Variants in EFNB3 observed in about 807,000 individuals in gnomAD.
EFNB3 encodes the protein ephrin B3.
EFNB3 carries 14 observed loss-of-function variants against 29.8 expected under a neutral mutation model. The observed-to-expected ratio is 0.47, with a 90% CI of 0.31 to 0.73. The LOEUF (loss-of-function observed/expected upper bound fraction) is 0.73. EFNB3 is among the 30% of genes least tolerant of loss of function. The pLI is 0.05. For synonymous variants in EFNB3, 216 were observed against 191.6 expected, an observed-to-expected ratio of 1.13 and a Z score of -1.05; for missense variants, 408 against 458.0, an observed-to-expected ratio of 0.89 and a Z score of 1.00.
rs1290964435 is a variant in EFNB3, at chr17:7,708,103, C to T, written c.268C>T (p.Arg90Trp). The change falls in exon 2 of 5, where the codon CGG becomes TGG. Residue 90 changes from arginine (R) to tryptophan (W), a missense_variant. Physicochemically the swap from Arg to Trp is moderately radical, Grantham distance 101 (BLOSUM62 -3). Coordinates refer to ENST00000226091, the MANE Select transcript of EFNB3 (RefSeq NM_001406.4). The surrounding 1 kb of genome is among the most constrained non-coding windows in gnomAD (Gnocchi z 6.8). Reference protein sequence around the residue: ...KLYLVGGAQGRRCEAPPAPNL... With the variant: ...KLYLVGGAQGWRCEAPPAPNL... Reference sequence around the variant, plus strand: ...GTACCTGGTAGGGGGTGCTCAGGGCCGGCGCTGTGAGGCACCCCCTGCCCC... The same window carrying T: ...GTACCTGGTAGGGGGTGCTCAGGGCTGGCGCTGTGAGGCACCCCCTGCCCC... 6.2e-6 allele frequency: 10 copies of T among 1,614,072 alleles called. No individual in the cohort carries two copies. Among genetic ancestry groups the T allele is most frequent in the Non-Finnish European group, 8.5e-6 (10 of 1,180,000 alleles).
intron 1 of EFNB3, among the ~76,000 whole-genome samples, chr17:7,706,461 T>G (rs1173104690): frequency 1.3e-5 from 2 of 152,194 alleles, no homozygotes; most frequent in African/African-American, 2.4e-5. Context: ...CATGCCAGCT[T>G]TGCTCTGAAA....
Position 7,709,700 on chromosome 17 carries a change from T to C in EFNB3, c.*124T>C. ...TGTGCCCCCCCAGCCCCTTCACTCCTCCCGGCTGCTGTCCTCGTCTCCACT... is the reference window on the plus strand; with the variant it reads ...TGTGCCCCCCCAGCCCCTTCACTCCCCCCGGCTGCTGTCCTCGTCTCCACT... On this transcript the variant is annotated 3_prime_UTR_variant, in exon 5 of 5. Coordinates refer to ENST00000226091, the MANE Select transcript of EFNB3 (RefSeq NM_001406.4). The surrounding 1 kb of genome is among the most constrained non-coding windows in gnomAD (Gnocchi z 4.5). 2.1e-6 allele frequency: 2 copies of C among 949,802 alleles called. No individual in the cohort carries two copies. Among genetic ancestry groups the C allele is most frequent in the South Asian group, 2.8e-5 (2 of 71,444 alleles). The allele number at this position is 949,802 out of a possible 1,614,324, so 58.8% of individuals were successfully genotyped here. A position where few individuals can be genotyped will look rare whatever the true frequency, so the allele number is the denominator to read the frequency against.
chr17:7,709,643 GT>G lies in EFNB3; in HGVS notation c.*70del. On this transcript the variant is annotated 3_prime_UTR_variant, in exon 5 of 5. Coordinates refer to ENST00000226091, the MANE Select transcript of EFNB3 (RefSeq NM_001406.4). This position sits in a 1 kb window ranked among gnomAD's most constrained non-coding sequence, Gnocchi z 4.5. ...GGGTGCTCCTCCAGTTTAATTCCTG[GT>G]TTGAGGGACACCTCTAACATCTCGG... 1 of 1,593,456 alleles carries G rather than the reference GT, an allele frequency of 6.3e-7. No homozygotes were observed. Among genetic ancestry groups the G allele is most frequent in the South Asian group, 1.1e-5 (1 of 89,738 alleles).
rs1348265802 is a variant in EFNB3, at chr17:7,710,617, A to C, written c.*1041A>C. On this transcript the variant is annotated 3_prime_UTR_variant, in exon 5 of 5. Transcript: ENST00000226091. ...GGTGGATGGTTCTTATTCTGTGGAG[A>C]AGAAGGGCGGGAAGAACTTCCTTTC... 1 of 152,580 alleles carries C rather than the reference A, an allele frequency of 6.6e-6. No individual in the cohort carries two copies. Among genetic ancestry groups the C allele is most frequent in the African/African-American group, 2.4e-5 (1 of 41,422 alleles). 9.5% of individuals were successfully genotyped at this position (152,580 alleles called of 1,614,324 possible).
At chr17:7,706,418 G>A (rs1046314504) in intron 1 of EFNB3, among the ~76,000 whole-genome samples, 1 of 152,060 alleles carries the variant, frequency 6.6e-6, no homozygotes, top group Non-Finnish European at 1.5e-5. Context: ...AATCTTTGCT[G>A]CAAACTCTTC....
In EFNB3 at chr17:7,705,556, T is replaced by C. The variant is rs755297257; in HGVS notation, c.-43T>C. Reference sequence around the variant, plus strand: ...GCAGCCACCCCGGGGGGTGGGCGACTTTGGGGGAGTTGGTGCCCCGCCCCC... The same window carrying C: ...GCAGCCACCCCGGGGGGTGGGCGACCTTGGGGGAGTTGGTGCCCCGCCCCC... On this transcript the variant is annotated 5_prime_UTR_variant, in exon 1 of 5. Coordinates refer to ENST00000226091, the MANE Select transcript of EFNB3 (RefSeq NM_001406.4). This position sits in a 1 kb window ranked among gnomAD's most constrained non-coding sequence, Gnocchi z 5.4. The C allele has an allele frequency of 3.0e-5, 37 of 1,218,580 alleles. No individual in the cohort carries two copies. In the Middle Eastern group the frequency reaches 2.6e-3, roughly 85 times the overall value. 75.5% of individuals were successfully genotyped at this position (1,218,580 alleles called of 1,614,324 possible).
In EFNB3 at chr17:7,709,665, C is replaced by A; in HGVS notation, c.*89C>A. ...CTGGTTTGAGGGACACCTCTAACAT[C>A]TCGGCCCCCTGTGCCCCCCCAGCCC... On this transcript the variant is annotated 3_prime_UTR_variant, in exon 5 of 5. Transcript: ENST00000226091. This position sits in a 1 kb window ranked among gnomAD's most constrained non-coding sequence, Gnocchi z 4.5. 6.9e-7 allele frequency: 1 copy of A among 1,444,046 alleles called. No individual in the cohort carries two copies. Among genetic ancestry groups the A allele is most frequent in the Non-Finnish European group, 9.6e-7 (1 of 1,045,502 alleles). 89.5% of individuals were successfully genotyped at this position (1,444,046 alleles called of 1,614,324 possible). A position where few individuals can be genotyped will look rare whatever the true frequency, so the allele number is the denominator to read the frequency against.
At position 7,708,164 on chromosome 17, in the gene EFNB3, A is replaced by G. The variant is rs2074333887; in HGVS notation, c.329A>G (p.Asp110Gly). ...CTCACTTGTGATCGCCCAGACCTGG[A>G]TCTCCGCTTCACCATCAAGTTCCAG... is the stretch of plus-strand genomic sequence containing the variant. The part of the protein sequence containing the change: ...LLLTCDRPDL[D>G]LRFTIKFQEY... Residue 110 changes from aspartate (D) to glycine (G), a missense_variant, in exon 2 of 5, where the codon GAT (aspartate) becomes GGT (glycine). By Grantham distance (94) the Asp-to-Gly change is moderately conservative. This residue lies in a region of EFNB3 where 47 missense variants were observed against 86.6 expected (regional missense o/e 0.54). Transcript: ENST00000226091. The surrounding 1 kb of genome is among the most constrained non-coding windows in gnomAD (Gnocchi z 6.8). 1 of 1,613,700 alleles carries G rather than the reference A, an allele frequency of 6.2e-7. No individual in the cohort carries two copies. The highest frequency in any genetic ancestry group is 8.5e-7 in the Non-Finnish European group (1 of 1,180,024).
At position 7,709,361 on chromosome 17, in the gene EFNB3, G is replaced by A. The variant is rs746889388; in HGVS notation, c.808G>A (p.Gly270Arg). 6 of 1,576,846 alleles carry A rather than the reference G, an allele frequency of 3.8e-6. No individual in the cohort carries two copies. The highest frequency in any genetic ancestry group is 2.3e-5 in the East Asian group (1 of 44,288). Residue 270 changes from glycine to arginine, a missense_variant, in exon 5 of 5, where the codon GGG becomes AGG. Gly to Arg is a moderately radical substitution (Grantham distance 125). This residue lies in a region of EFNB3 where 233 missense variants were observed against 230.7 expected (regional missense o/e 1.01). Coordinates refer to ENST00000226091, the MANE Select transcript of EFNB3 (RefSeq NM_001406.4). This position sits in a 1 kb window ranked among gnomAD's most constrained non-coding sequence, Gnocchi z 4.5. ...TCGCCACCCTGGTCCTGGCTCCTTC[G>A]GGAGGGGAGGGTCTCTGGGCCTGGG... ...ESRHPGPGSF[G>R]RGGSLGLGGG...
In EFNB3 at chr17:7,708,753, G is replaced by T; in HGVS notation, c.613+14G>T. ...AGAACCTGCCAGGTAGGAACCAGGG[G>T]CTAGGCCCCTGCCTTCCCCAGCTTC... On this transcript the variant is annotated intron_variant, in intron 4 of 4. Transcript: ENST00000226091. This position sits in a 1 kb window ranked among gnomAD's most constrained non-coding sequence, Gnocchi z 6.8. 1 of 1,536,212 alleles carries T rather than the reference G, an allele frequency of 6.5e-7. No individual in the cohort carries two copies. The highest frequency in any genetic ancestry group is 1.4e-5 in the African/African-American group (1 of 72,352).
intron 1 of EFNB3, 102 bp from the exon 2 acceptor site, chr17:7,707,856 T>G: frequency 3.9e-5 from 52 of 1,347,490 alleles, no homozygotes; most frequent in Non-Finnish European, 4.4e-5. Flanking sequence ...AAGCGTGAGC[T>G]GAGAATTGCT....
chr17:7,707,801 T>A (rs963742516), intron 1 of EFNB3, among the ~76,000 whole-genome samples, 157 bp from the exon 2 acceptor site: 7 of 152,168 alleles, frequency 4.6e-5, no homozygotes, highest in African/African-American at 2.4e-5. Context: ...GAGTCCTTGG[T>A]GCCTGCTCTA....
In EFNB3 at chr17:7,708,316, C is replaced by T. The variant is rs1252705356; in HGVS notation, c.415+66C>T. ...GATACTGAGCAGAGAGGGAGGGGGA[C>T]CCCTGCAGCCAAGAGGGAGATCCCA... is the stretch of plus-strand genomic sequence containing the variant. On this transcript the variant is annotated intron_variant, in intron 2 of 4. Coordinates refer to ENST00000226091, the MANE Select transcript of EFNB3 (RefSeq NM_001406.4). This position sits in a 1 kb window ranked among gnomAD's most constrained non-coding sequence, Gnocchi z 6.8. 17 of 1,584,258 alleles carry T rather than the reference C, an allele frequency of 1.1e-5. No homozygotes were observed. The Admixed American group carries it at 2.7e-4, about 26-fold the overall frequency.
At position 7,705,354 on chromosome 17, in the gene EFNB3, G is replaced by C. The variant is rs1324386380; in HGVS notation, c.-245G>C. ...CCACTTAGGCGGGCTCACAGATCCC[G>C]GGGTGCTGGCGCGTGGGCCGGGGGC... On this transcript the variant is annotated 5_prime_UTR_variant, in exon 1 of 5. Transcript: ENST00000226091. The surrounding 1 kb of genome is among the most constrained non-coding windows in gnomAD (Gnocchi z 5.4). 3.0e-6 allele frequency: 1 copy of C among 330,262 alleles called. No homozygotes were observed. The highest frequency in any genetic ancestry group is 5.5e-6 in the Non-Finnish European group (1 of 182,116). The allele number at this position is 330,262 out of a possible 1,614,324, so 20.5% of individuals were successfully genotyped here.
intron 1 of EFNB3, among the ~76,000 whole-genome samples, chr17:7,706,138 A>G (rs976404647): frequency 2.0e-5 from 3 of 148,476 alleles, no homozygotes; most frequent in Non-Finnish European, 3.0e-5. Context: ...CCTCCCCCAG[A>G]GGGACTGCGC....
In EFNB3 at chr17:7,708,261, G is replaced by C. The variant is rs529881706; in HGVS notation, c.415+11G>C. The C allele has an allele frequency of 3.5e-5, 56 of 1,607,390 alleles. No homozygotes were observed. Among genetic ancestry groups the C allele is most frequent in the Middle Eastern group, 3.3e-4 (2 of 6,070 alleles). ...ATTACTACATCATTGGTACTGCTGG[G>C]CAGAGGGCACGATTGAGTGGGGGGC... On this transcript the variant is annotated intron_variant, in intron 2 of 4. Coordinates refer to ENST00000226091, the MANE Select transcript of EFNB3 (RefSeq NM_001406.4). The surrounding 1 kb of genome is among the most constrained non-coding windows in gnomAD (Gnocchi z 6.8).
chr17:7,710,028 T>G lies in EFNB3; in HGVS notation c.*452T>G. The G allele has an allele frequency of 4.2e-6, 1 of 239,688 alleles. No individual in the cohort carries two copies. The highest frequency in any genetic ancestry group is 8.1e-6 in the Non-Finnish European group (1 of 122,770). The allele number at this position is 239,688 out of a possible 1,614,324, so 14.8% of individuals were successfully genotyped here. A position where few individuals can be genotyped will look rare whatever the true frequency, so the allele number is the denominator to read the frequency against. ...CTGTTCTTCTTCCCTAGCATCCTCCTCCCCACATCTCCTTTCACCCTCTTG... is the reference window on the plus strand; with the variant it reads ...CTGTTCTTCTTCCCTAGCATCCTCCGCCCCACATCTCCTTTCACCCTCTTG... On this transcript the variant is annotated 3_prime_UTR_variant, in exon 5 of 5. Transcript: ENST00000226091.
At position 7,711,021 on chromosome 17, in the gene EFNB3, T is replaced by G. The variant is rs1368340582; in HGVS notation, c.*1445T>G. ...GACAGTGGTACTTAGCAAAGGCCAC[T>G]GTTTCCATAGTGACCAGCTGATACC... On this transcript the variant is annotated 3_prime_UTR_variant, in exon 5 of 5. Transcript: ENST00000226091. 1 of 152,656 alleles carries G rather than the reference T, an allele frequency of 6.6e-6. No homozygotes were observed. Among genetic ancestry groups the G allele is most frequent in the Non-Finnish European group, 1.5e-5 (1 of 68,038 alleles). 9.5% of individuals were successfully genotyped at this position (152,656 alleles called of 1,614,324 possible).
Position 7,705,485 on chromosome 17 carries a change from G to A in EFNB3, c.-114G>A, listed in dbSNP as rs995768296. On this transcript the variant is annotated 5_prime_UTR_variant, in exon 1 of 5. Coordinates refer to ENST00000226091, the MANE Select transcript of EFNB3 (RefSeq NM_001406.4). The surrounding 1 kb of genome is among the most constrained non-coding windows in gnomAD (Gnocchi z 5.4). ...AAGCAGGTCCGCGTGGGCGCTGGGGGCATCAGCTACCGGGGTGGTCCGGGC... is the reference window on the plus strand; with the variant it reads ...AAGCAGGTCCGCGTGGGCGCTGGGGACATCAGCTACCGGGGTGGTCCGGGC... The A allele has an allele frequency of 3.6e-6, 2 of 554,590 alleles. No homozygotes were observed. Among genetic ancestry groups the A allele is most frequent in the East Asian group, 3.5e-5 (1 of 28,500 alleles). 34.4% of individuals were successfully genotyped at this position (554,590 alleles called of 1,614,324 possible).
Sources: gnomAD v4.1 joint callset for allele counts (sites outside exome capture counted in the v4.1 genomes callset) on GRCh38, gnomAD v4.1.1 for gene constraint, gnomAD v4.1.1 regional missense constraint, Gnocchi (gnomAD v3.1) non-coding constraint, MANE v1.5 for transcripts, NCBI Gene and HGNC (gene_info 2026-07-23, HGNC 2026-07-21) for gene names.